The following GPC5 variants were observed in gnomAD, a reference collection of about 807,000 sequenced individuals.
The protein encoded by GPC5 is glypican 5.
A neutral mutation model predicts 53.9 loss-of-function variants in GPC5; 47 were observed. That is an observed-to-expected ratio of 0.87 (90% confidence interval 0.69 to 1.11). The LOEUF (loss-of-function observed/expected upper bound fraction) is 1.11, where lower values mean the gene tolerates loss of function less well. Ranked by LOEUF, GPC5 falls within the 50% of genes most tolerant of loss-of-function variation. GPC5 has a pLI of 0.00. For missense variants in GPC5, 748 were observed against 713.1 expected (o/e 1.05, Z -0.56); for synonymous variants, 286 against 263.3 (o/e 1.09, Z -0.84).
intron 7 of GPC5, among the ~76,000 whole-genome samples, chr13:92,368,491 A>G (rs766941697): frequency 9.9e-5 from 15 of 151,430 alleles, no homozygotes; most frequent in Non-Finnish European, 2.1e-4. Context: ...TAAAAATACA[A>G]AAATTAGCCC....
At chr13:91,712,328 GTA>G (rs945745177) in intron 3 of GPC5, among the ~76,000 whole-genome samples, 137 of 151,170 alleles carry the variant, frequency 9.1e-4, no homozygotes, top group Non-Finnish European at 1.1e-3. Flanking sequence ...GTGTGTGTGT[GTA>G]TATATATATG....
chr13:92,249,655 G>C (rs2042678048), intron 7 of GPC5, among the ~76,000 whole-genome samples: 1 of 152,022 alleles, frequency 6.6e-6, no homozygotes, highest in African/African-American at 2.4e-5. Context: ...GGGGTTGATG[G>C]CATGCTCAAT....
At chr13:92,728,613 T>TA (rs1888713232) in intron 7 of GPC5, among the ~76,000 whole-genome samples, 1 of 151,372 alleles carries the variant, frequency 6.6e-6, no homozygotes, top group South Asian at 2.1e-4. Flanking sequence ...TGTTGACACA[T>TA]AAAATACAGC....
chr13:92,016,704 GT>G (rs1027471829), intron 6 of GPC5, among the ~76,000 whole-genome samples: 4 of 149,788 alleles, frequency 2.7e-5, no homozygotes, highest in African/African-American at 9.8e-5. Context: ...AAATAAAAAT[GT>G]TTTCTCTTAT....
intron 7 of GPC5, among the ~76,000 whole-genome samples, chr13:92,146,140 A>T (rs890674355): frequency 6.6e-6 from 1 of 152,204 alleles, no homozygotes; most frequent in Non-Finnish European, 1.5e-5. Context: ...GCACTTGAGC[A>T]GCCTTTGAAC....
At chr13:92,837,394 A>G (rs1463369652) in intron 7 of GPC5, among the ~76,000 whole-genome samples, 2 of 152,142 alleles carry the variant, frequency 1.3e-5, no homozygotes, top group Admixed American at 6.5e-5. Context: ...GTAACTGGAG[A>G]GGCGACAATT....
At chr13:91,875,081 T>C (rs955334410) in intron 5 of GPC5, among the ~76,000 whole-genome samples, 3 of 152,162 alleles carry the variant, frequency 2.0e-5, no homozygotes, top group Non-Finnish European at 4.4e-5. Flanking sequence ...TGGGTTTCAA[T>C]AGATTTGCAG....
intron 3 of GPC5, among the ~76,000 whole-genome samples, chr13:91,709,726 G>A (rs2036186121): frequency 6.6e-6 from 1 of 152,308 alleles, no homozygotes; most frequent in East Asian, 1.9e-4. Context: ...CCAAAGGCAA[G>A]AGACTGTTGG....
intron 7 of GPC5, among the ~76,000 whole-genome samples, chr13:92,714,752 C>T (rs986695028): frequency 1.1e-4 from 17 of 152,214 alleles, no homozygotes; most frequent in African/African-American, 3.6e-4. Flanking sequence ...CTAAAAAGCA[C>T]TTGGCCAAAC....
intron 7 of GPC5, among the ~76,000 whole-genome samples, chr13:92,515,046 A>G (rs534275545): frequency 6.6e-6 from 1 of 152,342 alleles, no homozygotes; most frequent in African/African-American, 2.4e-5. Flanking sequence ...AAACTGAAGA[A>G]CCTGGAGGAT....
intron 7 of GPC5, among the ~76,000 whole-genome samples, chr13:92,289,438 G>C (rs899839831): frequency 6.6e-6 from 1 of 151,962 alleles, no homozygotes; most frequent in Non-Finnish European, 1.5e-5. Context: ...TAAGGCTTAT[G>C]AATGACTTAT....
intron 7 of GPC5, among the ~76,000 whole-genome samples, chr13:92,454,780 T>C (rs747759269): frequency 1.7e-4 from 26 of 152,158 alleles, no homozygotes; most frequent in Non-Finnish European, 3.1e-4. Context: ...TTGGTGTTCA[T>C]CATTTTTCTA....
At chr13:92,545,315 A>G (rs1347386342) in intron 7 of GPC5, among the ~76,000 whole-genome samples, 2 of 152,122 alleles carry the variant, frequency 1.3e-5, no homozygotes, top group East Asian at 1.9e-4. Flanking sequence ...AATCCAGTCT[A>G]TCATTGTTGG....
At chr13:91,760,721 A>T (rs2037392591) in intron 5 of GPC5, among the ~76,000 whole-genome samples, 1 of 152,196 alleles carries the variant, frequency 6.6e-6, no homozygotes, top group Admixed American at 6.5e-5. Flanking sequence ...AGCCATACAG[A>T]CTATTTTAAT....
At chr13:91,839,967 T>G (rs557193204) in intron 5 of GPC5, among the ~76,000 whole-genome samples, 10 of 152,250 alleles carry the variant, frequency 6.6e-5, no homozygotes, top group Non-Finnish European at 1.3e-4. Flanking sequence ...TAGATTCTTC[T>G]TTCCTTATGC....
chr13:91,469,202 G>A (rs1009125935), intron 2 of GPC5, among the ~76,000 whole-genome samples: 7 of 151,580 alleles, frequency 4.6e-5, no homozygotes, highest in Admixed American at 1.3e-4. Flanking sequence ...TCTGCCTCCC[G>A]CATTCAAGTG....
At chr13:92,856,009 T>C (rs1012543219) in intron 7 of GPC5, among the ~76,000 whole-genome samples, 3 of 152,032 alleles carry the variant, frequency 2.0e-5, no homozygotes, top group Non-Finnish European at 4.4e-5. Flanking sequence ...ACTCATTCTA[T>C]GAAGCCAATA....
At chr13:91,620,716 G>A (rs1294822404) in intron 2 of GPC5, among the ~76,000 whole-genome samples, 1 of 152,076 alleles carries the variant, frequency 6.6e-6, no homozygotes, top group Non-Finnish European at 1.5e-5. Context: ...TTTTGCTAGT[G>A]AGCCTGTTAT....
intron 6 of GPC5, among the ~76,000 whole-genome samples, chr13:91,935,260 G>A (rs1007279643): frequency 2.0e-5 from 3 of 151,910 alleles, no homozygotes; most frequent in Non-Finnish European, 4.4e-5. Flanking sequence ...TGGTATTATG[G>A]TCTAAATGTT....
Sources: gnomAD v4.1 joint callset for allele counts (sites outside exome capture counted in the v4.1 genomes callset) on GRCh38, gnomAD v4.1.1 for gene constraint, MANE v1.5 for transcripts, NCBI Gene and HGNC (gene_info 2026-07-23, HGNC 2026-07-21) for gene names.